Variants in ENPP6 observed in about 807,000 individuals in gnomAD.
The protein encoded by ENPP6 is ectonucleotide pyrophosphatase/phosphodiesterase 6.
ENPP6 carries 32 observed loss-of-function variants against 42.0 expected under a neutral mutation model. The ratio of observed to expected loss-of-function variants is 0.76; its 90% CI spans 0.58 to 1.02. The LOEUF is 1.02. Ranked by LOEUF, ENPP6 falls within the 50% of genes least tolerant of loss-of-function variation. The probability of loss-of-function intolerance (pLI) is 0.00; values close to 1 mark genes in which losing one functional copy is unlikely to be tolerated. For synonymous variants in ENPP6, 213 were observed against 216.0 expected (o/e 0.99, Z 0.12); for missense variants, 552 against 566.8 (o/e 0.97, Z 0.27).
chr4:184,153,774 T>C, intron 1 of ENPP6, 41 bp from the exon 2 acceptor site: 2 of 1,584,068 alleles, frequency 1.3e-6, no homozygotes, highest in Non-Finnish European at 8.6e-7. Flanking sequence ...ACGGTTCTGG[T>C]GGTTTCTATT....
At chr4:184,213,389 A>T (rs1227678566) in intron 1 of ENPP6, among the ~76,000 whole-genome samples, 1 of 152,124 alleles carries the variant, frequency 6.6e-6, no homozygotes, top group African/African-American at 2.4e-5. Context: ...AAACAAATTT[A>T]CAAGAAAAAA....
intron 2 of ENPP6, among the ~76,000 whole-genome samples, chr4:184,131,259 T>TTTCCCTTCCTTCCTTCCTTC (rs1553996065): frequency 2.7e-5 from 2 of 73,280 alleles, no homozygotes; most frequent in African/African-American, 1.1e-4. Flanking sequence ...TTTCTCTTTC[T>TTTCCCTTCCTTCCTTCCTTC]CTTCCTTCCT....
At chr4:184,097,501 C>G (rs1735932594) in intron 6 of ENPP6, 133 bp from the exon 7 acceptor site, 1 of 1,318,580 alleles carries the variant, frequency 7.6e-7, no homozygotes, top group Non-Finnish European at 1.0e-6. Context: ...CTGACCCAAC[C>G]TCCGCTGCGG....
intron 1 of ENPP6, among the ~76,000 whole-genome samples, chr4:184,169,063 T>A (rs908623013): frequency 6.6e-6 from 1 of 152,250 alleles, no homozygotes; most frequent in African/African-American, 2.4e-5. Flanking sequence ...ATGATTTTTT[T>A]AAACCACAAT....
chr4:184,197,499 C>T (rs959898605), intron 1 of ENPP6, among the ~76,000 whole-genome samples: 1 of 152,234 alleles, frequency 6.6e-6, no homozygotes, highest in Non-Finnish European at 1.5e-5. Flanking sequence ...CCCTGATCAT[C>T]TAAGGGATGC....
intron 1 of ENPP6, among the ~76,000 whole-genome samples, chr4:184,200,708 T>C (rs1732881001): frequency 6.6e-6 from 1 of 152,202 alleles, no homozygotes; most frequent in Non-Finnish European, 1.5e-5. Context: ...CTTCGCAGCC[T>C]GCCCTGTGCA....
At chr4:184,140,920 C>A (rs930040161) in intron 2 of ENPP6, among the ~76,000 whole-genome samples, 2 of 140,352 alleles carry the variant, frequency 1.4e-5, no homozygotes, top group South Asian at 5.2e-4. Flanking sequence ...AGCTTCTGCA[C>A]AGCAAAAGAA....
chr4:184,181,033 T>G (rs756633632), intron 1 of ENPP6, among the ~76,000 whole-genome samples: 4 of 152,078 alleles, frequency 2.6e-5, no homozygotes, highest in African/African-American at 9.7e-5. Context: ...GAGAAAGAAA[T>G]AAAGTGTATT....
chr4:184,153,702 C>A lies in ENPP6; in HGVS notation c.273G>T (p.Gly91=). ...GRHCEVHQMI[G]NYMWDPTTNK... The stretch of plus-strand genomic sequence containing the variant: ...TGGTGGTGGGGTCCCACATGTAGTT[C>A]CCGATCATCTGATGGACTTCACAAT... Residue 91 remains glycine (G), a synonymous_variant, in exon 2 of 8, where the codon GGG becomes GGT. Transcript: ENST00000296741. 1 of 1,614,124 alleles carries A rather than the reference C, an allele frequency of 6.2e-7. No individual in the cohort carries two copies. Among genetic ancestry groups the A allele is most frequent in the Non-Finnish European group, 8.5e-7 (1 of 1,180,010 alleles).
chr4:184,187,438 C>T (rs908218143), intron 1 of ENPP6, among the ~76,000 whole-genome samples: 1 of 152,248 alleles, frequency 6.6e-6, no homozygotes, highest in East Asian at 1.9e-4. Flanking sequence ...CTCACTGCCA[C>T]TCTCATTGCT....
intron 2 of ENPP6, among the ~76,000 whole-genome samples, chr4:184,137,788 T>A (rs1413737444): frequency 6.6e-6 from 1 of 152,240 alleles, no homozygotes; most frequent in Non-Finnish European, 1.5e-5. Flanking sequence ...CCAATTTTTG[T>A]CCTTTCCCCT....
chr4:184,091,405 C>T (rs888693685), intron 7 of ENPP6, 23 bp from the exon 8 acceptor site: 6 of 1,586,794 alleles, frequency 3.8e-6, no homozygotes, highest in Non-Finnish European at 4.3e-6. Flanking sequence ...GGCAAACAAA[C>T]AAGTTGTCAT....
intron 2 of ENPP6, among the ~76,000 whole-genome samples, chr4:184,144,032 G>GCCC (rs1470726486): frequency 6.6e-5 from 10 of 152,196 alleles, no homozygotes; most frequent in African/African-American, 2.4e-4. Flanking sequence ...GACTCAGCTA[G>GCCC]GAAAGGTGCA....
At chr4:184,108,693 A>G (rs1031963341) in intron 6 of ENPP6, among the ~76,000 whole-genome samples, 2 of 151,540 alleles carry the variant, frequency 1.3e-5, no homozygotes, top group African/African-American at 4.8e-5. Flanking sequence ...TAGAAGTAAA[A>G]TGATTAAGAT....
chr4:184,157,550 T>A (rs996885004), intron 1 of ENPP6, among the ~76,000 whole-genome samples: 1 of 149,090 alleles, frequency 6.7e-6, no homozygotes, highest in Non-Finnish European at 1.5e-5. Context: ...CTTTCTTTCC[T>A]TTCTCTCTTT....
Position 184,097,452 on chromosome 4 carries a change from G to T in ENPP6, c.994-84C>A, listed in dbSNP as rs914922080. 5 of 1,569,324 alleles carry T rather than the reference G, an allele frequency of 3.2e-6. No homozygotes were observed. In the African/African-American group the frequency reaches 4.0e-5, roughly 13 times the overall value. ...ATCTGCTCCAAGCCGCCACTCCACC[G>T]GGGGGCGCTTTCCTCCTCTGCGCTC... On this transcript the variant is annotated intron_variant, in intron 6 of 7. Transcript: ENST00000296741.
intron 1 of ENPP6, among the ~76,000 whole-genome samples, chr4:184,214,377 G>A (rs1733165126): frequency 6.6e-6 from 1 of 152,148 alleles, no homozygotes; most frequent in Admixed American, 6.5e-5. Context: ...ATCAGCCATG[G>A]TGGCTTCATG....
chr4:184,106,637 C>T (rs1288905992), intron 6 of ENPP6, among the ~76,000 whole-genome samples: 2 of 152,114 alleles, frequency 1.3e-5, no homozygotes, highest in African/African-American at 2.4e-5. Flanking sequence ...TCATCTATAT[C>T]GGTCTCCTGT....
intron 1 of ENPP6, among the ~76,000 whole-genome samples, chr4:184,163,546 T>TA (rs531449519): frequency 0.011 from 1,598 of 151,972 alleles, 27 homozygotes; most frequent in African/African-American, 0.037. Context: ...GCTCTCGGTT[T>TA]AAAAAAAAAC....
Sources: gnomAD v4.1 joint callset for allele counts (sites outside exome capture counted in the v4.1 genomes callset) on GRCh38, gnomAD v4.1.1 for gene constraint, MANE v1.5 for transcripts, NCBI Gene and HGNC (gene_info 2026-07-23, HGNC 2026-07-21) for gene names.